DLG1: variants seen among roughly 807,000 people sequenced by gnomAD.
DLG1 encodes the protein discs large MAGUK scaffold protein 1.
DLG1 carries 42 observed loss-of-function variants against 123.4 expected under a neutral mutation model. The ratio of observed to expected loss-of-function variants is 0.34; its 90% CI spans 0.27 to 0.44. DLG1 has a LOEUF of 0.44. Ranked by LOEUF, DLG1 falls within the 20% of genes least tolerant of loss-of-function variation. DLG1 has a pLI of 1.00. For synonymous variants in DLG1, 317 were observed against 356.2 expected, an observed-to-expected ratio of 0.89 and a Z score of 1.24; for missense variants, 942 against 1,082.6, an observed-to-expected ratio of 0.87 and a Z score of 1.82.
At chr3:197,290,309 C>T (rs408808) in intron 3 of DLG1, among the ~76,000 whole-genome samples, 85,734 of 151,942 alleles carry the variant, frequency 0.56, 24,730 homozygotes, top group East Asian at 0.78. Flanking sequence ...ATATTATAAA[C>T]CGGTTCAAGA....
intron 14 of DLG1, among the ~76,000 whole-genome samples, chr3:197,091,359 C>T (rs1212307694): frequency 6.6e-6 from 1 of 151,648 alleles, no homozygotes; most frequent in Non-Finnish European, 1.5e-5. Context: ...TTTTAAAAAT[C>T]AGGATTTATT....
At chr3:197,157,447 T>G (rs1274129335) in intron 5 of DLG1, among the ~76,000 whole-genome samples, 1 of 152,144 alleles carries the variant, frequency 6.6e-6, no homozygotes, top group African/African-American at 2.4e-5. Context: ...GAACAAATTT[T>G]CAGAACACTG....
intron 4 of DLG1, among the ~76,000 whole-genome samples, chr3:197,198,440 C>G (rs74823056): frequency 0.13 from 19,158 of 145,740 alleles, 1,561 homozygotes; most frequent in Admixed American, 0.2. Flanking sequence ...TGAGTCGAGA[C>G]CAGGCCACTG....
chr3:197,096,565 A>C (rs1343589690), intron 14 of DLG1, among the ~76,000 whole-genome samples: 1 of 152,166 alleles, frequency 6.6e-6, no homozygotes, highest in Non-Finnish European at 1.5e-5. Context: ...TTTAGGACTA[A>C]ATTGATCAAG....
intron 5 of DLG1, among the ~76,000 whole-genome samples, chr3:197,159,699 G>A (rs959588759): frequency 6.6e-6 from 1 of 151,988 alleles, no homozygotes; most frequent in African/African-American, 2.4e-5. Context: ...CACTAATTAG[G>A]AACACACTTA....
At chr3:197,051,415 C>T (rs930970294) in intron 24 of DLG1, among the ~76,000 whole-genome samples, 162 bp downstream of exon 24, 3 of 151,976 alleles carry the variant, frequency 2.0e-5, no homozygotes, top group Admixed American at 1.3e-4. Context: ...AGCGAAACTC[C>T]GTCTCAAAAA....
chr3:197,075,732 TCCTTATGCCAGAAAGGC>T, intron 18 of DLG1: 1 of 923,022 alleles, frequency 1.1e-6, no homozygotes, highest in South Asian at 1.8e-5. Flanking sequence ...ATCATACACC[TCCTTATGCCAGAAAGGC>T]ACTACCATGA....
chr3:197,110,499 C>T (rs1055633672), intron 13 of DLG1, among the ~76,000 whole-genome samples: 2 of 152,146 alleles, frequency 1.3e-5, no homozygotes, highest in Non-Finnish European at 2.9e-5. Context: ...CAATGTCTGA[C>T]CTTCCCTAGG....
At chr3:197,232,316 AT>A (rs1486941075) in intron 4 of DLG1, among the ~76,000 whole-genome samples, 4 of 149,816 alleles carry the variant, frequency 2.7e-5, no homozygotes, top group African/African-American at 9.8e-5. Context: ...GTGAGCTATG[AT>A]CACGCCACTG....
chr3:197,156,268 A>T (rs1796374410), intron 5 of DLG1, among the ~76,000 whole-genome samples: 1 of 152,170 alleles, frequency 6.6e-6, no homozygotes, highest in South Asian at 2.1e-4. Context: ...TGTTAAATGT[A>T]ATCCCCATGG....
chr3:197,282,813 C>T lies in DLG1; in HGVS notation c.184G>A (p.Asp62Asn). The change falls in exon 4 of 25, where the codon GAT becomes AAT. Residue 62 changes from aspartate (D) to asparagine (N), a missense_variant. Coordinates refer to ENST00000667157, the MANE Select transcript of DLG1 (RefSeq NM_001366207.1). ...IQEFYEVTLL[D>N]NPKCIDRSKP... ...GAACGATCTATACATTTTGGATTAT[C>T]CAGTAAGGTCACTTCATAAAATTCT... The T allele has an allele frequency of 6.3e-7, 1 of 1,589,864 alleles. No individual in the cohort carries two copies. The highest frequency in any genetic ancestry group is 8.6e-7 in the Non-Finnish European group (1 of 1,168,108).
At chr3:197,088,714 C>A (rs1216352837) in intron 15 of DLG1, among the ~76,000 whole-genome samples, 1 of 152,112 alleles carries the variant, frequency 6.6e-6, no homozygotes, top group Non-Finnish European at 1.5e-5. Context: ...GTATGTGTGA[C>A]CATATGTTTT....
chr3:197,139,892 A>G (rs1363436017), intron 8 of DLG1, among the ~76,000 whole-genome samples: 1 of 152,262 alleles, frequency 6.6e-6, no homozygotes, highest in Non-Finnish European at 1.5e-5. Context: ...ACAAAGATTT[A>G]AACCATCAAC....
intron 15 of DLG1, among the ~76,000 whole-genome samples, chr3:197,089,394 G>C (rs916814707): frequency 6.6e-6 from 1 of 152,024 alleles, no homozygotes; most frequent in African/African-American, 2.4e-5. Context: ...AGGCATGGTG[G>C]CATGTGCCTA....
At chr3:197,108,766 G>A (rs541396462) in intron 13 of DLG1, among the ~76,000 whole-genome samples, 191 of 152,200 alleles carry the variant, frequency 1.3e-3, no homozygotes, top group Non-Finnish European at 2.4e-3. Flanking sequence ...AGTCTAAAGT[G>A]TCTCTCTTGT....
At chr3:197,184,245 A>G (rs760734026) in intron 5 of DLG1, 43 of 367,356 alleles carry the variant, frequency 1.2e-4, no homozygotes, top group Non-Finnish European at 1.4e-4. Context: ...CACTGCGTGG[A>G]AAAACCCTGG....
intron 16 of DLG1, among the ~76,000 whole-genome samples, chr3:197,082,761 T>G (rs894308269): frequency 6.6e-6 from 1 of 152,226 alleles, no homozygotes; most frequent in African/African-American, 2.4e-5. Context: ...AGTAAGATTA[T>G]ATTCTGCAAT....
intron 23 of DLG1, among the ~76,000 whole-genome samples, 165 bp from the exon 24 acceptor site, chr3:197,051,833 A>ATTTTTTTT (rs35979905): frequency 2.2e-5 from 2 of 90,254 alleles, no homozygotes; most frequent in South Asian, 3.9e-4. Flanking sequence ...ATTTCTGGGA[A>ATTTTTTTT]TTTTTTTTTT....
At chr3:197,077,523 T>C (rs1385725632) in intron 17 of DLG1, among the ~76,000 whole-genome samples, 1 of 152,178 alleles carries the variant, frequency 6.6e-6, no homozygotes, top group Non-Finnish European at 1.5e-5. Flanking sequence ...ACATAAATAA[T>C]GTAGAACCAC....
Sources: gnomAD v4.1 joint callset for allele counts (sites outside exome capture counted in the v4.1 genomes callset) on GRCh38, gnomAD v4.1.1 for gene constraint, MANE v1.5 for transcripts, NCBI Gene and HGNC (gene_info 2026-07-23, HGNC 2026-07-21) for gene names.